Variants in FCGR2B observed in about 807,000 individuals in gnomAD.
FCGR2B encodes low affinity immunoglobulin gamma Fc region receptor II-b.
In FCGR2B, 18 loss-of-function variants were observed where a neutral mutation model predicts 24.8. The ratio of observed to expected loss-of-function variants is 0.73; its 90% CI spans 0.50 to 1.08. FCGR2B has a LOEUF of 1.08. FCGR2B is among the 50% of genes least tolerant of loss of function. The probability of loss-of-function intolerance (pLI) is 0.00; values close to 1 mark genes in which losing one functional copy is unlikely to be tolerated. For missense variants in FCGR2B, 215 were observed against 297.6 expected (o/e 0.72, Z 2.04); for synonymous variants, 79 against 109.8 (o/e 0.72, Z 1.75).
intron 2 of FCGR2B, among the ~76,000 whole-genome samples, chr1:161,670,887 T>C (rs1367789916): frequency 6.9e-6 from 1 of 145,606 alleles, no homozygotes; most frequent in Non-Finnish European, 1.5e-5. Flanking sequence ...GTATACAGAA[T>C]GACATTAGGT....
chr1:161,677,563 T>C lies in FCGR2B; in HGVS notation c.*10T>C, dbSNP rs2102683592. ...CCAGAACCGTATTTAGTCTCCATTG[T>C]CTTGCATTGGGATTTGAGAAGAAAA... On this transcript the variant is annotated 3_prime_UTR_variant, in exon 8 of 8. Coordinates refer to ENST00000358671, the MANE Select transcript of FCGR2B (RefSeq NM_001394477.1). 1 of 1,595,276 alleles carries C rather than the reference T, an allele frequency of 6.3e-7. No homozygotes were observed. The highest frequency in any genetic ancestry group is 8.6e-7 in the Non-Finnish European group (1 of 1,165,386).
intron 5 of FCGR2B, chr1:161,674,980 T>C: frequency 2.5e-6 from 1 of 401,710 alleles, no homozygotes; most frequent in Non-Finnish European, 4.5e-6. Flanking sequence ...GACACAGGGG[T>C]GTTTTTAAAA....
rs549527950 is a variant in FCGR2B at position 161,667,410 on chromosome 1, C to A, written c.113-2842C>A. Among the ~76,000 whole-genome samples, 30 of 125,514 alleles carry A rather than the reference C, an allele frequency of 2.4e-4. 2 individuals carry two copies. Among genetic ancestry groups the A allele is most frequent in the Non-Finnish European group, 4.1e-4 (24 of 58,218 alleles). The allele number at this position is 125,514 out of a possible 152,430, so 82.3% of individuals were successfully genotyped here. The stretch of plus-strand genomic sequence containing the variant: ...GAATGCGGTGATCGCACATTTACTG[C>A]GTCAACAGTTTGCCTTCTTGTGTGG... On this transcript the variant is annotated intron_variant, in intron 1 of 7. Transcript: ENST00000358671.
intron 2 of FCGR2B, among the ~76,000 whole-genome samples, chr1:161,670,948 C>A (rs61804183): frequency 6.6e-6 from 1 of 150,694 alleles, no homozygotes; most frequent in African/African-American, 2.4e-5. Flanking sequence ...TCCACCAGAG[C>A]CCCCACTTAT....
intron 6 of FCGR2B, chr1:161,676,506 G>T (rs1443244555): frequency 1.1e-5 from 2 of 174,134 alleles, no homozygotes; most frequent in African/African-American, 4.8e-5. Flanking sequence ...TGCATAAATG[G>T]TTTTTTAAAA....
intron 5 of FCGR2B, chr1:161,674,280 A>G (rs368161940): frequency 3.5e-5 from 7 of 199,530 alleles, no homozygotes; most frequent in East Asian, 1.2e-4. Flanking sequence ...TGCGTGAGAC[A>G]TGGTGGGTGA....
At position 161,674,090 on chromosome 1, in the gene FCGR2B, G is replaced by A. The variant is rs527672868; in HGVS notation, c.760+17G>A. ...GGATTTCAGGTTTGTAGCTCCTCCCGGTCCCTTTGGTTATCAGTTTCCACT... is the reference window on the plus strand; with the variant it reads ...GGATTTCAGGTTTGTAGCTCCTCCCAGTCCCTTTGGTTATCAGTTTCCACT... On this transcript the variant is annotated intron_variant, in intron 5 of 7. Transcript: ENST00000358671. 482 of 445,824 alleles carry A rather than the reference G, an allele frequency of 1.1e-3. 6 individuals are homozygous for A. The East Asian group carries it at 0.014, about 13-fold the overall frequency. The allele number at this position is 445,824 out of a possible 1,614,324, so 27.6% of individuals were successfully genotyped here.
At chr1:161,675,620 C>T in intron 6 of FCGR2B, 1 of 287,750 alleles carries the variant, frequency 3.5e-6, no homozygotes, top group Non-Finnish European at 6.5e-6. Flanking sequence ...TTTGGTCTTC[C>T]TGTGGAGCTT....
In FCGR2B at chr1:161,673,022, A is replaced by G; in HGVS notation, c.439A>G (p.Thr147Ala). Residue 147 changes from threonine (T) to alanine (A), a missense_variant, in exon 4 of 8, where the codon ACC becomes GCC. Physicochemically the swap from Thr to Ala is moderately conservative, Grantham distance 58. Transcript: ENST00000358671. ...TPHLEFQEGETIVLRCHSWKD... is the reference protein window; with the variant it reads ...TPHLEFQEGEAIVLRCHSWKD... ...TCACCTGGAGTTCCAGGAGGGAGAAACCATCGTGCTGAGGTGCCACAGCTG... is the reference window on the plus strand; with the variant it reads ...TCACCTGGAGTTCCAGGAGGGAGAAGCCATCGTGCTGAGGTGCCACAGCTG... The G allele has an allele frequency of 6.2e-7, 1 of 1,612,668 alleles. No homozygotes were observed. Among genetic ancestry groups the G allele is most frequent in the East Asian group, 2.2e-5 (1 of 44,838 alleles).
chr1:161,675,973 G>A lies in FCGR2B; in HGVS notation c.817+660G>A, dbSNP rs534477917. 3 of 232,670 alleles carry A rather than the reference G, an allele frequency of 1.3e-5. No homozygotes were observed. The South Asian group carries it at 5.4e-4, about 42-fold the overall frequency. 14.4% of individuals were successfully genotyped at this position (232,670 alleles called of 1,614,324 possible). On this transcript the variant is annotated intron_variant, in intron 6 of 7. Transcript: ENST00000358671. ...GAGCCCTGAGCAAGTCAGTCTCCCT[G>A]ATGGGGTTCAGTCTCCTCACTGAGG...
rs373045939 is a variant in FCGR2B at position 161,673,485 on chromosome 1, C to T, written c.646+256C>T. ...GCAGGCCCCAGACTAAGGACGGCAG[C>T]GAAGCAGAGCTCCCTCGTTGGTGCA... On this transcript the variant is annotated intron_variant, in intron 4 of 7. Coordinates refer to ENST00000358671, the MANE Select transcript of FCGR2B (RefSeq NM_001394477.1). 2.3e-3 allele frequency: 1,690 copies of T among 721,054 alleles called. 19 individuals carry two copies. The African/African-American group carries it at 0.025, about 11-fold the overall frequency. 44.7% of individuals were successfully genotyped at this position (721,054 alleles called of 1,614,324 possible).
In FCGR2B at chr1:161,677,173, A is replaced by G; in HGVS notation, c.818-155A>G. 5.5e-6 allele frequency: 4 copies of G among 725,214 alleles called. No homozygotes were observed. In the Middle Eastern group the frequency reaches 1.1e-3, roughly 201 times the overall value. 44.9% of individuals were successfully genotyped at this position (725,214 alleles called of 1,614,324 possible). A position where few individuals can be genotyped will look rare whatever the true frequency, so the allele number is the denominator to read the frequency against. ...ACCCTATGCATCGATCAATGAGGTC[A>G]TATTTACCCAGTGCTTGGCCTAGAG... On this transcript the variant is annotated intron_variant, in intron 6 of 7. Coordinates refer to ENST00000358671, the MANE Select transcript of FCGR2B (RefSeq NM_001394477.1).
chr1:161,676,540 G>A (rs1682155885), intron 6 of FCGR2B: 1 of 168,732 alleles, frequency 5.9e-6, no homozygotes, highest in Non-Finnish European at 1.3e-5. Context: ...AGGCAAAGCT[G>A]GGTTGCTGGG....
intron 3 of FCGR2B, chr1:161,672,344 T>G (rs1417603904): frequency 1.2e-5 from 2 of 160,274 alleles, no homozygotes; most frequent in Non-Finnish European, 2.8e-5. Flanking sequence ...TTTCACTTAG[T>G]CCCCTCCCTT....
chr1:161,655,097 A>C, the FCGR2B span, among the ~76,000 whole-genome samples: 1 of 146,604 alleles, frequency 6.8e-6, no homozygotes, highest in Admixed American at 7.0e-5. Context: ...CAGAAAGTAA[A>C]ATGGTATGTT....
chr1:161,675,816 G>A (rs2102677778), intron 6 of FCGR2B: 1 of 234,570 alleles, frequency 4.3e-6, no homozygotes, highest in Non-Finnish European at 8.4e-6. Flanking sequence ...CTAGGAGGAG[G>A]TTTGGGCTTG....
the FCGR2B span, among the ~76,000 whole-genome samples, chr1:161,647,726 A>G: frequency 0.11 from 15,867 of 150,688 alleles, 969 homozygotes; most frequent in Middle Eastern, 0.19. Flanking sequence ...GAAGAGATGT[A>G]TATTGTCCAC....
chr1:161,672,872 A>C (rs374970143), intron 3 of FCGR2B, 103 bp from the exon 4 acceptor site: 36 of 1,518,348 alleles, frequency 2.4e-5, no homozygotes, highest in East Asian at 1.4e-4. Flanking sequence ...TTTCAGACCT[A>C]AGCTGTTCCC....
chr1:161,647,296 T>C, the FCGR2B span, among the ~76,000 whole-genome samples: 2 of 130,680 alleles, frequency 1.5e-5, no homozygotes, highest in South Asian at 2.5e-4. Context: ...TGCTCTGGAC[T>C]CTTTTTTTTT....
Sources: allele counts gnomAD v4.1 joint callset (sites outside exome capture counted in the v4.1 genomes callset), GRCh38; gene constraint gnomAD v4.1.1; transcripts MANE v1.5; gene names NCBI Gene and HGNC (gene_info 2026-07-23, HGNC 2026-07-21).